Variants in LRP1B observed in about 807,000 individuals in gnomAD.
LRP1B encodes the protein LDL receptor related protein 1B, also known as low-density lipoprotein receptor-related protein 1B.
LRP1B carries 217 observed loss-of-function variants against 556.6 expected under a neutral mutation model. The observed-to-expected ratio is 0.39, with a 90% CI of 0.35 to 0.44. The LOEUF (loss-of-function observed/expected upper bound fraction) is 0.44, where lower values mean the gene tolerates loss of function less well. Among genes scored for constraint, LRP1B ranks in the 20% least tolerant of loss-of-function variants. The probability of loss-of-function intolerance (pLI) is 1.00; values close to 1 mark genes in which losing one functional copy is unlikely to be tolerated. For synonymous variants in LRP1B, 2,047 were observed against 1,865.8 expected (o/e 1.10, Z -2.50); for missense variants, 5,053 against 5,620.8 (o/e 0.90, Z 3.23).
rs1311777661 is a variant in LRP1B at position 140,322,026 on chromosome 2, T to C, written c.12577A>G (p.Thr4193Ala). ...TATTTTCCTTCTGGACACACACAAG[T>C]GGCCCCAGAAGGATTTAGCAAGCAA... ...FLCLLNPSGA[T>A]CVCPEGKYLI... The change falls in exon 82 of 91, where the codon ACT (threonine) becomes GCT (alanine). Residue 4193 changes from threonine (T) to alanine (A), a missense_variant. Transcript: ENST00000389484. 1.3e-5 allele frequency: 21 copies of C among 1,613,096 alleles called. No individual in the cohort carries two copies. In the East Asian group the frequency reaches 4.5e-4, roughly 34 times the overall value.
At chr2:140,233,992 C>CAT (rs1046205099) in intron 90 of LRP1B, among the ~76,000 whole-genome samples, 32 of 151,404 alleles carry the variant, frequency 2.1e-4, no homozygotes, top group African/African-American at 7.2e-4. Context: ...AGTTGGAAAA[C>CAT]ATATACATAC....
At chr2:140,585,807 A>G (rs1332586993) in intron 43 of LRP1B, among the ~76,000 whole-genome samples, 1 of 152,210 alleles carries the variant, frequency 6.6e-6, no homozygotes, top group Non-Finnish European at 1.5e-5. Flanking sequence ...AATTTAGACA[A>G]CACAATCAAC....
intron 7 of LRP1B, among the ~76,000 whole-genome samples, chr2:141,102,787 C>A (rs1700499904): frequency 6.6e-6 from 1 of 151,956 alleles, no homozygotes; most frequent in East Asian, 1.9e-4. Flanking sequence ...TATACTTGAA[C>A]CATTTAAATG....
intron 32 of LRP1B, among the ~76,000 whole-genome samples, chr2:140,804,653 T>C (rs1307080983): frequency 1.1e-4 from 16 of 139,790 alleles, no homozygotes; most frequent in African/African-American, 4.5e-4. Context: ...AAACTAATTT[T>C]TTTTTTTTTT....
At chr2:142,031,902 A>G (rs1703725297) in intron 1 of LRP1B, among the ~76,000 whole-genome samples, 1 of 151,844 alleles carries the variant, frequency 6.6e-6, no homozygotes, top group African/African-American at 2.4e-5. Context: ...GAATGTGAGG[A>G]AAAGAAACAG....
chr2:141,847,420 GT>G (rs1281686991), intron 1 of LRP1B, among the ~76,000 whole-genome samples: 7 of 151,456 alleles, frequency 4.6e-5, no homozygotes, highest in African/African-American at 1.7e-4. Context: ...TCCTTGCAGA[GT>G]TTTTTGTATC....
At chr2:140,860,824 CAG>C (rs1346137763) in intron 27 of LRP1B, among the ~76,000 whole-genome samples, 1 of 151,862 alleles carries the variant, frequency 6.6e-6, no homozygotes, top group Non-Finnish European at 1.5e-5. Flanking sequence ...AGTGAGGACA[CAG>C]AGAAAAATGA....
intron 59 of LRP1B, among the ~76,000 whole-genome samples, chr2:140,479,219 T>A (rs1425281524): frequency 6.6e-6 from 1 of 151,216 alleles, no homozygotes; most frequent in Non-Finnish European, 1.5e-5. Flanking sequence ...ATTGCTATAC[T>A]TTTTTTTTCT....
In LRP1B at chr2:140,476,855, G is replaced by A. The variant is rs75401672; in HGVS notation, c.9426-1518C>T. ...GGTAACACTAAGTCAATTTCACATA[G>A]GGCAATACCGGAATTCCTCCCTAGT... On this transcript the variant is annotated intron_variant, in intron 59 of 90. Coordinates refer to ENST00000389484, the MANE Select transcript of LRP1B (RefSeq NM_018557.3). Among the ~76,000 whole-genome samples the A allele has an allele frequency of 8.4e-3, 1,276 of 152,002 alleles. 27 individuals carry two copies. The highest frequency in any genetic ancestry group is 0.027 in the African/African-American group (1,132 of 41,516).
intron 2 of LRP1B, among the ~76,000 whole-genome samples, chr2:141,798,929 A>G (rs1006915627): frequency 6.6e-6 from 1 of 151,750 alleles, no homozygotes; most frequent in Non-Finnish European, 1.5e-5. Context: ...TTGTGAGAAG[A>G]TGAGACTAGG....
At chr2:140,526,422 T>G in intron 47 of LRP1B, 72 bp from the exon 48 acceptor site, 1 of 976,584 alleles carries the variant, frequency 1.0e-6, no homozygotes, top group Non-Finnish European at 1.6e-6. Flanking sequence ...TTTTGAATAT[T>G]TCAATTATTT....
chr2:141,063,716 A>G lies in LRP1B; in HGVS notation c.1014-1443T>C, dbSNP rs556856564. 1.3e-4 allele frequency among the ~76,000 whole-genome samples: 20 copies of G among 151,874 alleles called. 1 individual carries two copies. The South Asian group carries it at 3.7e-3, about 28-fold the overall frequency. On this transcript the variant is annotated intron_variant, in intron 7 of 90. Transcript: ENST00000389484. Reference sequence around the variant, plus strand: ...ATTTGTTCATAGCTATTCTGTTTCTATAAGGACTACCCAGTTTCACTCTTT... The same window carrying G: ...ATTTGTTCATAGCTATTCTGTTTCTGTAAGGACTACCCAGTTTCACTCTTT...
At chr2:141,221,778 G>GA (rs1232685447) in intron 6 of LRP1B, among the ~76,000 whole-genome samples, 1 of 152,018 alleles carries the variant, frequency 6.6e-6, no homozygotes, top group Non-Finnish European at 1.5e-5. Context: ...GAAACTCACT[G>GA]AAAATCACAA....
chr2:141,422,887 C>A (rs762599270), intron 3 of LRP1B, among the ~76,000 whole-genome samples: 1 of 152,160 alleles, frequency 6.6e-6, no homozygotes, highest in Admixed American at 6.5e-5. Context: ...AATTCCTCAA[C>A]ATCAAGGCTT....
At chr2:141,940,002 T>C (rs577407870) in intron 1 of LRP1B, among the ~76,000 whole-genome samples, 1 of 96,280 alleles carries the variant, frequency 1.0e-5, no homozygotes, top group East Asian at 3.9e-4. Flanking sequence ...AAGTAAGTGA[T>C]AAACATTAAA....
intron 2 of LRP1B, among the ~76,000 whole-genome samples, chr2:141,583,735 G>A (rs905186675): frequency 2.6e-5 from 4 of 151,650 alleles, no homozygotes; most frequent in Non-Finnish European, 1.5e-5. Context: ...GTAAATATAA[G>A]AATATTTTAT....
intron 1 of LRP1B, among the ~76,000 whole-genome samples, chr2:142,047,248 G>A (rs563013721): frequency 3.9e-5 from 6 of 152,028 alleles, no homozygotes; most frequent in East Asian, 2.0e-4. Context: ...CAACACACAC[G>A]TACATGGAGG....
At chr2:141,944,381 T>C (rs1700897533) in intron 1 of LRP1B, among the ~76,000 whole-genome samples, 1 of 152,200 alleles carries the variant, frequency 6.6e-6, no homozygotes, top group Admixed American at 6.5e-5. Flanking sequence ...CAATACTACC[T>C]TCCCTATCCT....
At position 140,334,568 on chromosome 2, in the gene LRP1B, A is replaced by G. The variant is rs764295712; in HGVS notation, c.12117-9T>C. 6 of 1,507,824 alleles carry G rather than the reference A, an allele frequency of 4.0e-6. No individual in the cohort carries two copies. The South Asian group carries it at 6.3e-5, about 16-fold the overall frequency. 93.4% of individuals were successfully genotyped at this position (1,507,824 alleles called of 1,614,324 possible). A position where few individuals can be genotyped will look rare whatever the true frequency, so the allele number is the denominator to read the frequency against. On this transcript the variant is annotated splice_polypyrimidine_tract_variant and intron_variant, in intron 78 of 90. Transcript: ENST00000389484. ...CAGTCCAGTACATCATCCTGAAGAG[A>G]GCGGGTCAGAGAGGTTAGCCTGGTG...
Sources: allele counts gnomAD v4.1 joint callset (sites outside exome capture counted in the v4.1 genomes callset), GRCh38; gene constraint gnomAD v4.1.1; transcripts MANE v1.5; gene names NCBI Gene and HGNC (gene_info 2026-07-23, HGNC 2026-07-21).